The following CFAP206 variants were observed in gnomAD, a reference collection of about 807,000 sequenced individuals.
The protein encoded by CFAP206 is cilia- and flagella-associated protein 206.
Under a neutral mutation model 65.4 loss-of-function variants are expected in CFAP206, and 53 were observed. That is an observed-to-expected ratio of 0.81 (90% CI 0.65 to 1.02). The LOEUF (loss-of-function observed/expected upper bound fraction) is 1.02, where lower values mean the gene tolerates loss of function less well. CFAP206 is among the 50% of genes least tolerant of loss of function. The probability of loss-of-function intolerance (pLI) is 0.00; values close to 1 mark genes in which losing one functional copy is unlikely to be tolerated. For missense variants in CFAP206, 663 were observed against 753.2 expected (o/e 0.88, Z 1.40); for synonymous variants, 250 against 254.4 (o/e 0.98, Z 0.17).
chr6:87,451,378 C>T (rs1342774181), intron 11 of CFAP206, among the ~76,000 whole-genome samples: 1 of 152,166 alleles, frequency 6.6e-6, no homozygotes, highest in African/African-American at 2.4e-5. Flanking sequence ...GCCCCAATTC[C>T]AGACCATAGT....
chr6:87,462,764 C>T (rs1768768033), intron 12 of CFAP206, among the ~76,000 whole-genome samples: 1 of 152,140 alleles, frequency 6.6e-6, no homozygotes, highest in Non-Finnish European at 1.5e-5. Context: ...ACTGAGCCCT[C>T]TCTTCCCATT....
intron 7 of CFAP206, among the ~76,000 whole-genome samples, chr6:87,424,324 A>G (rs1384732294): frequency 6.6e-6 from 1 of 152,082 alleles, no homozygotes; most frequent in Non-Finnish European, 1.5e-5. Flanking sequence ...CTGTTGCCCA[A>G]GCTGGAGTGC....
rs1207807121 is a variant in CFAP206 at position 87,408,101 on chromosome 6, C to T, written c.-6+12C>T. The T allele has an allele frequency of 1.0e-6, 1 of 983,648 alleles. No homozygotes were observed. The highest frequency in any genetic ancestry group is 1.7e-5 in the African/African-American group (1 of 57,212). 60.9% of individuals were successfully genotyped at this position (983,648 alleles called of 1,614,324 possible). A position where few individuals can be genotyped will look rare whatever the true frequency, so the allele number is the denominator to read the frequency against. On this transcript the variant is annotated intron_variant, in intron 1 of 12. Transcript: ENST00000369562. ...CGATTCCGATCCAGGTCAGCCTACT[C>T]GGGGCTCCGCGCCCTTGACCCGGAG...
chr6:87,453,995 T>G (rs965303368), intron 11 of CFAP206, among the ~76,000 whole-genome samples: 4 of 151,932 alleles, frequency 2.6e-5, no homozygotes, highest in Non-Finnish European at 5.9e-5. Context: ...CTACAAGAAA[T>G]GCACTTCACC....
intron 11 of CFAP206, among the ~76,000 whole-genome samples, chr6:87,440,922 A>G (rs1562249462): frequency 6.6e-6 from 1 of 152,168 alleles, no homozygotes; most frequent in South Asian, 2.1e-4. Flanking sequence ...TTCTACAAGC[A>G]CTCCATTTTC....
chr6:87,413,383 C>T (rs1767770959), intron 3 of CFAP206, among the ~76,000 whole-genome samples: 1 of 152,108 alleles, frequency 6.6e-6, no homozygotes, highest in African/African-American at 2.4e-5. Context: ...AAGTAAAATA[C>T]CACATGTTCT....
chr6:87,421,343 G>A (rs561208151), intron 7 of CFAP206, among the ~76,000 whole-genome samples: 1 of 152,028 alleles, frequency 6.6e-6, no homozygotes, highest in Non-Finnish European at 1.5e-5. Context: ...AAAATTAGCC[G>A]GGCATAGTGG....
intron 3 of CFAP206, among the ~76,000 whole-genome samples, chr6:87,412,746 C>T (rs773770634): frequency 1.3e-5 from 2 of 152,062 alleles, no homozygotes; most frequent in Non-Finnish European, 2.9e-5. Flanking sequence ...GCCATGTCCA[C>T]CTCCCGGGTT....
At chr6:87,439,494 T>C (rs939683975) in intron 11 of CFAP206, among the ~76,000 whole-genome samples, 3 of 152,106 alleles carry the variant, frequency 2.0e-5, no homozygotes, top group Non-Finnish European at 2.9e-5. Context: ...TTTGAAGATA[T>C]GTTTTCTTAG....
Position 87,408,099 on chromosome 6 carries a change from C to T in CFAP206, c.-6+10C>T. The T allele has an allele frequency of 2.0e-6, 2 of 984,520 alleles. No homozygotes were observed. The highest frequency in any genetic ancestry group is 2.4e-6 in the Non-Finnish European group (2 of 829,050). The allele number at this position is 984,520 out of a possible 1,614,324, so 61.0% of individuals were successfully genotyped here. ...GTCGATTCCGATCCAGGTCAGCCTA[C>T]TCGGGGCTCCGCGCCCTTGACCCGG... On this transcript the variant is annotated intron_variant, in intron 1 of 12. Transcript: ENST00000369562.
At chr6:87,410,550 T>G in intron 2 of CFAP206, 35 bp from the exon 3 acceptor site, 1 of 1,452,150 alleles carries the variant, frequency 6.9e-7, no homozygotes. Context: ...ATGGATTCTT[T>G]CCTAGTTAAT....
At chr6:87,438,376 G>T (rs1386447358) in intron 11 of CFAP206, among the ~76,000 whole-genome samples, 1 of 147,554 alleles carries the variant, frequency 6.8e-6, no homozygotes, top group Non-Finnish European at 1.5e-5. Context: ...CAGGAGAATC[G>T]CTTGAACCAG....
intron 11 of CFAP206, among the ~76,000 whole-genome samples, chr6:87,443,887 G>C (rs1768395762): frequency 6.6e-6 from 1 of 152,078 alleles, no homozygotes; most frequent in Non-Finnish European, 1.5e-5. Flanking sequence ...TTGGTTTTCT[G>C]TTCCGGCATT....
chr6:87,428,528 C>A, intron 8 of CFAP206, 98 bp from the exon 9 acceptor site: 1 of 1,186,940 alleles, frequency 8.4e-7, no homozygotes, highest in South Asian at 1.3e-5. Flanking sequence ...GGAGAATTAA[C>A]TTCTTTACAA....
intron 11 of CFAP206, among the ~76,000 whole-genome samples, chr6:87,438,243 A>G (rs1768306690): frequency 6.6e-6 from 1 of 151,996 alleles, no homozygotes; most frequent in Non-Finnish European, 1.5e-5. Context: ...CGAGTAGATC[A>G]CAAGGTCAGG....
chr6:87,424,740 A>G (rs1659484428), intron 7 of CFAP206, among the ~76,000 whole-genome samples: 1 of 152,168 alleles, frequency 6.6e-6, no homozygotes, highest in South Asian at 2.1e-4. Flanking sequence ...CCTTGTATCA[A>G]TAGATTAAGA....
chr6:87,422,899 C>G (rs1187948852), intron 7 of CFAP206, among the ~76,000 whole-genome samples: 1 of 152,068 alleles, frequency 6.6e-6, no homozygotes, highest in African/African-American at 2.4e-5. Flanking sequence ...GATCCTGCAA[C>G]TACAGCTTGG....
intron 12 of CFAP206, among the ~76,000 whole-genome samples, chr6:87,461,968 T>C (rs1192000635): frequency 2.6e-5 from 4 of 152,200 alleles, no homozygotes; most frequent in Non-Finnish European, 5.9e-5. Context: ...TTTGTTAACA[T>C]GAGAAAGCTG....
At position 87,409,845 on chromosome 6, in the gene CFAP206, T is replaced by G. The variant is rs76198921; in HGVS notation, c.6T>G (p.Pro2=). The G allele has an allele frequency of 9.1e-4, 1,463 of 1,609,298 alleles. 6 individuals are homozygous for G. The African/African-American group carries it at 0.017, about 19-fold the overall frequency. M[P]PTQAESVIRS... ...TGTTGTTTTATTTAGCCAGAATGCC[T>G]CCAACTCAGGCCGAAAGTGTTATAA... The change falls in exon 2 of 13, where the codon CCT becomes CCG. Residue 2 remains proline (P), a synonymous_variant. Coordinates refer to ENST00000369562, the MANE Select transcript of CFAP206 (RefSeq NM_001031743.3).
Sources: gnomAD v4.1 joint callset for allele counts (sites outside exome capture counted in the v4.1 genomes callset) on GRCh38, gnomAD v4.1.1 for gene constraint, MANE v1.5 for transcripts, NCBI Gene and HGNC (gene_info 2026-07-23, HGNC 2026-07-21) for gene names.